The following RGL1 variants were observed in gnomAD, a reference collection of about 807,000 sequenced individuals.
RGL1 encodes the protein ral guanine nucleotide dissociation stimulator-like 1.
In RGL1, 24 loss-of-function variants were observed where a neutral mutation model predicts 95.2. The observed-to-expected ratio is 0.25, with a 90% CI of 0.18 to 0.35. The LOEUF (loss-of-function observed/expected upper bound fraction) is 0.35, where lower values mean the gene tolerates loss of function less well. Among genes scored for constraint, RGL1 ranks in the 10% least tolerant of loss-of-function variants. RGL1 has a pLI of 1.00. For synonymous variants in RGL1, 329 were observed against 344.9 expected, an observed-to-expected ratio of 0.95 and a Z score of 0.51; for missense variants, 715 against 936.3, an observed-to-expected ratio of 0.76 and a Z score of 3.08.
At chr1:183,843,821 G>GTT (rs5779190) in intron 2 of RGL1, among the ~76,000 whole-genome samples, 35 of 150,954 alleles carry the variant, frequency 2.3e-4, no homozygotes, top group South Asian at 4.2e-4. Flanking sequence ...ATATTTTCAT[G>GTT]TTTTTTTTTG....
chr1:183,695,932 C>T (rs1654226174), intron 1 of RGL1, among the ~76,000 whole-genome samples: 1 of 152,006 alleles, frequency 6.6e-6, no homozygotes, highest in Non-Finnish European at 1.5e-5. Context: ...GTATAATTTT[C>T]TTAAAAGCTA....
chr1:183,729,641 A>T (rs1656513464), intron 1 of RGL1, among the ~76,000 whole-genome samples: 1 of 152,230 alleles, frequency 6.6e-6, no homozygotes, highest in Admixed American at 6.5e-5. Flanking sequence ...TCCAAGAGAA[A>T]TGAAAGCATG....
At chr1:183,883,639 AG>A (rs1356389759) in intron 5 of RGL1, 146 bp from the exon 6 acceptor site, 1 of 744,706 alleles carries the variant, frequency 1.3e-6, no homozygotes, top group African/African-American at 1.7e-5. Context: ...CATTGTTCTC[AG>A]ATGCATTGTG....
intron 15 of RGL1, among the ~76,000 whole-genome samples, chr1:183,916,024 A>C (rs1002408860): frequency 2.6e-5 from 4 of 152,248 alleles, no homozygotes; most frequent in Admixed American, 2.6e-4. Context: ...CTAAAAATAC[A>C]GAACTTTCTC....
intron 2 of RGL1, among the ~76,000 whole-genome samples, chr1:183,748,098 C>G (rs545667667): frequency 2.6e-4 from 39 of 152,202 alleles, no homozygotes; most frequent in African/African-American, 4.8e-4. Flanking sequence ...TCTAGATTTT[C>G]TAGTTTATTT....
At chr1:183,660,297 T>C (rs1558139231) in intron 1 of RGL1, among the ~76,000 whole-genome samples, 1 of 152,118 alleles carries the variant, frequency 6.6e-6, no homozygotes, top group Admixed American at 6.5e-5. Flanking sequence ...ATCAGTGTGC[T>C]GTATTCAGGA....
intron 9 of RGL1, among the ~76,000 whole-genome samples, chr1:183,892,555 T>C (rs1667484564): frequency 6.6e-6 from 1 of 152,176 alleles, no homozygotes; most frequent in Non-Finnish European, 1.5e-5. Context: ...CCACATCCTT[T>C]ATTTGGACTA....
intron 8 of RGL1, 105 bp from the exon 9 acceptor site, chr1:183,891,972 C>T (rs1667449815): frequency 5.1e-6 from 4 of 782,032 alleles, no homozygotes; most frequent in Non-Finnish European, 8.4e-6. Flanking sequence ...ACCCTGAGAT[C>T]AGCACAGTCC....
At chr1:183,920,723 T>A (rs1317247294) in intron 16 of RGL1, among the ~76,000 whole-genome samples, 1 of 152,242 alleles carries the variant, frequency 6.6e-6, no homozygotes, top group African/African-American at 2.4e-5. Flanking sequence ...ATCAAAAACA[T>A]ATTTTCCTCA....
intron 2 of RGL1, among the ~76,000 whole-genome samples, chr1:183,809,874 G>A (rs551868491): frequency 2.0e-5 from 3 of 152,238 alleles, no homozygotes; most frequent in South Asian, 2.1e-4. Flanking sequence ...GGAGGATCGC[G>A]TGAGCCAGGG....
intron 2 of RGL1, among the ~76,000 whole-genome samples, chr1:183,755,847 A>G (rs539304673): frequency 1.7e-4 from 26 of 152,114 alleles, no homozygotes; most frequent in Non-Finnish European, 2.6e-4. Context: ...TGTCAAGGAA[A>G]GGAAGCTTCT....
intron 2 of RGL1, among the ~76,000 whole-genome samples, chr1:183,813,246 T>G (rs1026115308): frequency 6.6e-6 from 1 of 152,152 alleles, no homozygotes; most frequent in African/African-American, 2.4e-5. Context: ...AAAGAGCAGG[T>G]CAGCAAAAGG....
chr1:183,743,674 A>G (rs550975168), intron 2 of RGL1, among the ~76,000 whole-genome samples: 225 of 152,346 alleles, frequency 1.5e-3, no homozygotes, highest in African/African-American at 5.3e-3. Flanking sequence ...TATCTTCTGG[A>G]ATACTCAATT....
chr1:183,786,562 T>C (rs985181425), intron 2 of RGL1, among the ~76,000 whole-genome samples: 1 of 152,204 alleles, frequency 6.6e-6, no homozygotes, highest in African/African-American at 2.4e-5. Context: ...GAGTGTCACA[T>C]TGGCACTCAA....
intron 3 of RGL1, among the ~76,000 whole-genome samples, chr1:183,859,061 C>T (rs113244217): frequency 6.6e-6 from 1 of 152,186 alleles, no homozygotes; most frequent in African/African-American, 2.4e-5. Flanking sequence ...TGAACAGAGT[C>T]TGAGTGCTGC....
intron 1 of RGL1, among the ~76,000 whole-genome samples, chr1:183,662,575 T>G (rs1302717639): frequency 6.6e-6 from 1 of 152,166 alleles, no homozygotes; most frequent in Admixed American, 6.5e-5. Context: ...TACAAACAAA[T>G]GGAAGAACAT....
At chr1:183,851,251 T>C (rs1664809135) in intron 3 of RGL1, among the ~76,000 whole-genome samples, 1 of 152,180 alleles carries the variant, frequency 6.6e-6, no homozygotes, top group South Asian at 2.1e-4. Flanking sequence ...CTTTGCTTGC[T>C]TCTGAAATGA....
intron 2 of RGL1, among the ~76,000 whole-genome samples, chr1:183,793,500 A>G (rs935292493): frequency 6.6e-6 from 1 of 152,204 alleles, no homozygotes; most frequent in Non-Finnish European, 1.5e-5. Context: ...AGAATATGAG[A>G]AAGTATTTGC....
At chr1:183,652,765 T>TTA (rs1256639080) in intron 1 of RGL1, among the ~76,000 whole-genome samples, 1 of 152,212 alleles carries the variant, frequency 6.6e-6, no homozygotes, top group South Asian at 2.1e-4. Flanking sequence ...GAAATACATG[T>TTA]TATACTCTGT....
Sources: gnomAD v4.1 joint callset for allele counts (sites outside exome capture counted in the v4.1 genomes callset) on GRCh38, gnomAD v4.1.1 for gene constraint, MANE v1.5 for transcripts, NCBI Gene and HGNC (gene_info 2026-07-23, HGNC 2026-07-21) for gene names.